SPECC1L: variants seen among roughly 807,000 people sequenced by gnomAD.
The protein encoded by SPECC1L is cytospin-A.
A neutral mutation model predicts 116.8 loss-of-function variants in SPECC1L; 40 were observed. That is an observed-to-expected ratio of 0.34 (90% CI 0.27 to 0.45). SPECC1L has a LOEUF of 0.45. SPECC1L is among the 20% of genes least tolerant of loss of function. The pLI is 1.00. For missense variants in SPECC1L, 1,110 were observed against 1,373.6 expected (o/e 0.81, Z 3.03); for synonymous variants, 504 against 500.6 (o/e 1.01, Z -0.09).
intron 11 of SPECC1L, among the ~76,000 whole-genome samples, chr22:24,360,449 G>A (rs1209661574): frequency 6.6e-6 from 1 of 152,216 alleles, no homozygotes; most frequent in African/African-American, 2.4e-5. Context: ...GTGAGGCTGT[G>A]ACAGGGACAG....
rs1427612803 is a variant in SPECC1L at position 24,324,328 on chromosome 22, A to C, written c.2047A>C (p.Arg683=). The change falls in exon 6 of 17, where the codon AGG becomes CGG. Residue 683 remains arginine, a synonymous_variant. Coordinates refer to ENST00000314328, the MANE Select transcript of SPECC1L (RefSeq NM_015330.6). ...RSDLDEKETE[R]SDMKETIFEL... ...AGACCTGGATGAAAAAGAAACAGAA[A>C]GGAGTGACATGAAAGAAACCATCTT... The C allele has an allele frequency of 1.2e-6, 2 of 1,614,032 alleles. No homozygotes were observed. Among genetic ancestry groups the C allele is most frequent in the Non-Finnish European group, 1.7e-6 (2 of 1,179,978 alleles).
intron 2 of SPECC1L, among the ~76,000 whole-genome samples, chr22:24,295,760 C>T (rs1569408768): frequency 2.6e-5 from 4 of 152,044 alleles, no homozygotes; most frequent in Non-Finnish European, 4.4e-5. Context: ...ACCAGCCTGG[C>T]CAACATGGTG....
chr22:24,414,974 G>A lies in SPECC1L; in HGVS notation c.*351G>A. 2 of 325,964 alleles carry A rather than the reference G, an allele frequency of 6.1e-6. No individual in the cohort carries two copies. The highest frequency in any genetic ancestry group is 5.7e-5 in the South Asian group (2 of 34,904). The allele number at this position is 325,964 out of a possible 1,614,324, so 20.2% of individuals were successfully genotyped here. A position where few individuals can be genotyped will look rare whatever the true frequency, so the allele number is the denominator to read the frequency against. On this transcript the variant is annotated 3_prime_UTR_variant, in exon 17 of 17. Transcript: ENST00000314328. ...ATGCACAGCTGAATTTGGGAAAAGGGATTCAGTTCTGTGGGAAACTCACTA... is the reference window on the plus strand; with the variant it reads ...ATGCACAGCTGAATTTGGGAAAAGGAATTCAGTTCTGTGGGAAACTCACTA...
At position 24,321,825 on chromosome 22, in the gene SPECC1L, T is replaced by C. The variant is rs749000479; in HGVS notation, c.845T>C (p.Leu282Ser). The C allele has an allele frequency of 1.9e-6, 3 of 1,614,236 alleles. No individual in the cohort carries two copies. The highest frequency in any genetic ancestry group is 1.1e-5 in the South Asian group (1 of 91,080). Reference protein sequence around the residue: ...NALGFSLEQRLDNSEKLFGYQ... With the variant: ...NALGFSLEQRSDNSEKLFGYQ... ...TTGGGCTTTTCCCTAGAGCAGAGGTTAGACAATTCTGAAAAACTGTTTGGC... is the reference window on the plus strand; with the variant it reads ...TTGGGCTTTTCCCTAGAGCAGAGGTCAGACAATTCTGAAAAACTGTTTGGC... Residue 282 changes from leucine to serine, a missense_variant, in exon 5 of 17, where the codon TTA becomes TCA. Physicochemically the swap from Leu to Ser is moderately radical, Grantham distance 145. This residue lies in a region of SPECC1L where 437 missense variants were observed against 482.6 expected (regional missense o/e 0.91). Coordinates refer to ENST00000314328, the MANE Select transcript of SPECC1L (RefSeq NM_015330.6).
At chr22:24,293,000 G>A (rs4049937) in intron 2 of SPECC1L, among the ~76,000 whole-genome samples, 3 of 152,178 alleles carry the variant, frequency 2.0e-5, no homozygotes, top group African/African-American at 4.8e-5. Context: ...GGGCATGGTG[G>A]TGTGCTCCTG....
chr22:24,360,133 G>C (rs1346617694), intron 11 of SPECC1L, among the ~76,000 whole-genome samples: 1 of 152,178 alleles, frequency 6.6e-6, no homozygotes, highest in Non-Finnish European at 1.5e-5. Flanking sequence ...AATAGAATCT[G>C]TTACTGTAAA....
intron 14 of SPECC1L, among the ~76,000 whole-genome samples, chr22:24,376,582 A>C (rs2041975801): frequency 6.6e-6 from 1 of 152,240 alleles, no homozygotes; most frequent in East Asian, 1.9e-4. Context: ...AAATGGAAAG[A>C]CATACCTTGT....
intron 14 of SPECC1L, among the ~76,000 whole-genome samples, chr22:24,409,016 A>G (rs2042643883): frequency 6.6e-6 from 1 of 152,212 alleles, no homozygotes; most frequent in Non-Finnish European, 1.5e-5. Flanking sequence ...CTGGGTTCCC[A>G]TGGCCCCCAC....
At chr22:24,368,249 A>G (rs540103494) in intron 13 of SPECC1L, among the ~76,000 whole-genome samples, 1 of 152,246 alleles carries the variant, frequency 6.6e-6, no homozygotes, top group Non-Finnish European at 1.5e-5. Flanking sequence ...ACTATCATAT[A>G]GTAAACTCTG....
At chr22:24,338,875 G>T (rs895799991) in intron 10 of SPECC1L, among the ~76,000 whole-genome samples, 1 of 152,212 alleles carries the variant, frequency 6.6e-6, no homozygotes, top group Non-Finnish European at 1.5e-5. Flanking sequence ...TTAAGTGGTA[G>T]AGTAGGGGTT....
chr22:24,412,616 C>A, intron 15 of SPECC1L, 32 bp from the exon 16 acceptor site: 2 of 1,611,612 alleles, frequency 1.2e-6, no homozygotes, highest in Non-Finnish European at 1.7e-6. Context: ...GTGCCTTGTT[C>A]ATGCACTGCA....
rs75681555 is a variant in SPECC1L, at chr22:24,353,832, G to T, written c.2743+6656G>T. Among the ~76,000 whole-genome samples the T allele has an allele frequency of 7.6e-3, 1,157 of 152,312 alleles. 13 individuals carry two copies. The highest frequency in any genetic ancestry group is 0.026 in the African/African-American group (1,085 of 41,556). On this transcript the variant is annotated intron_variant, in intron 11 of 16. Coordinates refer to ENST00000314328, the MANE Select transcript of SPECC1L (RefSeq NM_015330.6). ...GATGTTAAATTAACTTTGTTCACTT[G>T]GTTAGGTGATTGGCTGCTAGGAATT...
chr22:24,369,455 A>C (rs1569438593), intron 14 of SPECC1L, 135 bp downstream of exon 14: 2 of 726,896 alleles, frequency 2.8e-6, no homozygotes, highest in Non-Finnish European at 5.0e-6. Context: ...TAATCCTAAC[A>C]CATTGGGAGG....
rs562634877 is a variant in SPECC1L at position 24,343,446 on chromosome 22, T to C, written c.2653-3640T>C. The C allele has an allele frequency of 6.7e-6, 3 of 448,176 alleles. No individual in the cohort carries two copies. In the Admixed American group the frequency reaches 7.2e-5, roughly 11 times the overall value. 27.8% of individuals were successfully genotyped at this position (448,176 alleles called of 1,614,324 possible). ...TGCAAGTCAGAAGACAACAAAATGG[T>C]TGTGTTTTTTTTTTGTTTTGTTTTG... On this transcript the variant is annotated intron_variant, in intron 10 of 16. Coordinates refer to ENST00000314328, the MANE Select transcript of SPECC1L (RefSeq NM_015330.6).
chr22:24,396,387 T>C (rs2042369872), intron 14 of SPECC1L, among the ~76,000 whole-genome samples: 3 of 152,010 alleles, frequency 2.0e-5, no homozygotes, highest in Admixed American at 1.3e-4. Flanking sequence ...AACCTCTGCT[T>C]CCCGGGTTCA....
chr22:24,273,023 G>A (rs2048760609), intron 1 of SPECC1L, among the ~76,000 whole-genome samples: 1 of 152,206 alleles, frequency 6.6e-6, no homozygotes, highest in African/African-American at 2.4e-5. Context: ...TGAGTGTCAA[G>A]TACAGTATCT....
rs554806714 is a variant in SPECC1L, at chr22:24,383,569, A to C, written c.3087+14249A>C. The stretch of plus-strand genomic sequence containing the variant: ...AACCAATTTATGAGTTTAAGGAAAC[A>C]GATGAAGAGATAGAGAGTTTTACCG... On this transcript the variant is annotated intron_variant, in intron 14 of 16. Transcript: ENST00000314328. Among the ~76,000 whole-genome samples the C allele has an allele frequency of 2.6e-5, 4 of 152,340 alleles. No homozygotes were observed. The East Asian group carries it at 5.8e-4, about 22-fold the overall frequency.
intron 14 of SPECC1L, among the ~76,000 whole-genome samples, chr22:24,397,924 G>A (rs17004913): frequency 6.6e-6 from 1 of 152,028 alleles, no homozygotes; most frequent in Non-Finnish European, 1.5e-5. Context: ...CAAGATTAAG[G>A]TCACCCCTTT....
chr22:24,340,439 G>T (rs1243136747), intron 10 of SPECC1L, among the ~76,000 whole-genome samples: 1 of 152,078 alleles, frequency 6.6e-6, no homozygotes, highest in African/African-American at 2.4e-5. Flanking sequence ...GAGCCACTGT[G>T]CGCAGCTGAT....
Sources: allele counts gnomAD v4.1 joint callset (sites outside exome capture counted in the v4.1 genomes callset), GRCh38; gene constraint gnomAD v4.1.1; regional missense constraint gnomAD v4.1.1; transcripts MANE v1.5; gene names NCBI Gene and HGNC (gene_info 2026-07-23, HGNC 2026-07-21).